The following AXDND1 variants were observed in gnomAD, a reference collection of about 807,000 sequenced individuals.
AXDND1 encodes axonemal dynein light chain domain-containing protein 1.
Under a neutral mutation model 137.5 loss-of-function variants are expected in AXDND1, and 110 were observed. The ratio of observed to expected loss-of-function variants is 0.80; its 90% CI spans 0.69 to 0.94. The LOEUF (loss-of-function observed/expected upper bound fraction) is 0.94, where lower values mean the gene tolerates loss of function less well. AXDND1 is among the 40% of genes least tolerant of loss of function. The pLI is 0.00. For missense variants in AXDND1, 1,191 were observed against 1,169.8 expected (o/e 1.02, Z -0.26); for synonymous variants, 414 against 399.7 (o/e 1.04, Z -0.43).
intron 12 of AXDND1, among the ~76,000 whole-genome samples, chr1:179,417,099 AT>A (rs1654823945): frequency 6.6e-6 from 1 of 150,556 alleles, no homozygotes; most frequent in African/African-American, 2.4e-5. Context: ...GATGTTGAGC[AT>A]TTTTTCACAT....
chr1:179,551,470 A>G, intron 25 of AXDND1: 1 of 1,612,444 alleles, frequency 6.2e-7, no homozygotes, highest in Non-Finnish European at 8.5e-7. Flanking sequence ...CATGTGACGA[A>G]AGCAAAGTGA....
chr1:179,491,448 C>A, intron 18 of AXDND1, 90 bp from the exon 19 acceptor site: 1 of 858,760 alleles, frequency 1.2e-6, no homozygotes. Flanking sequence ...TGGACACAGG[C>A]ACGATCATTT....
chr1:179,468,360 G>A, intron 16 of AXDND1, 83 bp from the exon 17 acceptor site: 2 of 952,444 alleles, frequency 2.1e-6, no homozygotes, highest in Non-Finnish European at 3.1e-6. Context: ...TAATGCCCTT[G>A]CTCAGTAGGA....
chr1:179,367,032 C>T (rs1667495844), intron 2 of AXDND1, among the ~76,000 whole-genome samples: 1 of 151,334 alleles, frequency 6.6e-6, no homozygotes, highest in Non-Finnish European at 1.5e-5. Flanking sequence ...CCAGCCTGGC[C>T]AAATATGATG....
intron 21 of AXDND1, among the ~76,000 whole-genome samples, chr1:179,512,690 C>T (rs900006366): frequency 6.6e-5 from 10 of 152,004 alleles, no homozygotes; most frequent in African/African-American, 1.2e-4. Flanking sequence ...TCTACTCATC[C>T]GTGAGCTTGG....
intron 6 of AXDND1, among the ~76,000 whole-genome samples, chr1:179,381,473 A>G (rs756117476): frequency 2.6e-5 from 4 of 151,090 alleles, no homozygotes; most frequent in African/African-American, 4.9e-5. Context: ...CCTCCCGAGT[A>G]GCTGTGACTA....
chr1:179,489,262 G>T (rs1474195325), intron 18 of AXDND1, among the ~76,000 whole-genome samples: 1 of 152,022 alleles, frequency 6.6e-6, no homozygotes, highest in Non-Finnish European at 1.5e-5. Context: ...GAAAGTAAAA[G>T]ATATTCTTTG....
chr1:179,410,822 G>A (rs1653755273), intron 11 of AXDND1, among the ~76,000 whole-genome samples: 1 of 152,080 alleles, frequency 6.6e-6, no homozygotes, highest in South Asian at 2.1e-4. Flanking sequence ...TAGATATGGT[G>A]TTATTATACC....
chr1:179,528,559 AT>A (rs1413637545), intron 23 of AXDND1, 128 bp downstream of exon 23: 3 of 452,142 alleles, frequency 6.6e-6, no homozygotes, highest in Admixed American at 8.7e-5. Context: ...TTTTACAGAT[AT>A]TTTTCTTCCA....
chr1:179,552,575 A>C (rs987828470), intron 25 of AXDND1: 1 of 1,592,008 alleles, frequency 6.3e-7, no homozygotes, highest in Middle Eastern at 1.7e-4. Context: ...CCTAAAGGGC[A>C]GTCTGGGTGG....
chr1:179,431,733 G>A (rs1384872521), intron 14 of AXDND1, among the ~76,000 whole-genome samples: 1 of 152,068 alleles, frequency 6.6e-6, no homozygotes, highest in African/African-American at 2.4e-5. Flanking sequence ...CTCCTGCCGT[G>A]TACCCATTTC....
rs199661575 is a variant in AXDND1, at chr1:179,468,572, A to G, written c.1928A>G (p.Lys643Arg). Residue 643 changes from lysine (K) to arginine (R), a missense_variant, in exon 17 of 26, where the codon AAA becomes AGA. Lys to Arg is a conservative substitution (Grantham distance 26). Coordinates refer to ENST00000367618, the MANE Select transcript of AXDND1 (RefSeq NM_144696.6). Reference protein sequence around the residue: ...QEIDEKINEMKSHLDILLNLT... With the variant: ...QEIDEKINEMRSHLDILLNLT... ...ATAGATGAAAAAATTAATGAAATGAAATCACACTTGGATATATTGTTAAAC... is the reference window on the plus strand; with the variant it reads ...ATAGATGAAAAAATTAATGAAATGAGATCACACTTGGATATATTGTTAAAC... The G allele has an allele frequency of 8.7e-6, 14 of 1,613,104 alleles. No homozygotes were observed. The African/African-American group carries it at 1.5e-4, about 17-fold the overall frequency.
chr1:179,470,479 AT>A (rs1436404908), intron 17 of AXDND1, among the ~76,000 whole-genome samples: 1 of 152,052 alleles, frequency 6.6e-6, no homozygotes, highest in Non-Finnish European at 1.5e-5. Flanking sequence ...ATCTTCTTTA[AT>A]TTCTTCTGAG....
chr1:179,449,507 G>A (rs1455515935), intron 16 of AXDND1: 1 of 154,696 alleles, frequency 6.5e-6, no homozygotes, highest in East Asian at 1.9e-4. Flanking sequence ...TGCATCTCTT[G>A]AAATTCTATA....
intron 16 of AXDND1, among the ~76,000 whole-genome samples, chr1:179,464,122 A>T (rs1333868869): frequency 2.0e-5 from 3 of 152,122 alleles, no homozygotes; most frequent in Admixed American, 6.5e-5. Context: ...TTTACATTTA[A>T]GGTTAATATT....
chr1:179,416,759 C>G (rs1654767333), intron 12 of AXDND1, among the ~76,000 whole-genome samples: 3 of 152,180 alleles, frequency 2.0e-5, no homozygotes, highest in Non-Finnish European at 4.4e-5. Flanking sequence ...AACAAGCATA[C>G]CCTTTCTTTA....
intron 9 of AXDND1, among the ~76,000 whole-genome samples, chr1:179,390,200 T>G (rs113277004): frequency 0.018 from 2,709 of 152,144 alleles, 69 homozygotes; most frequent in African/African-American, 0.06. Context: ...TTTTAGTAGA[T>G]ACAAGGTTTT....
intron 23 of AXDND1, among the ~76,000 whole-genome samples, chr1:179,531,076 TG>T (rs1306309665): frequency 2.0e-5 from 3 of 152,112 alleles, no homozygotes; most frequent in African/African-American, 7.2e-5. Flanking sequence ...TGTTGCTTAT[TG>T]GTTGGGGATG....
intron 4 of AXDND1, 27 bp from the exon 5 acceptor site, chr1:179,378,610 T>C: frequency 6.5e-7 from 1 of 1,536,612 alleles, no homozygotes; most frequent in East Asian, 2.4e-5. Context: ...AAATTTGTTT[T>C]GTAAATATAT....
Sources: gnomAD v4.1 joint callset for allele counts (sites outside exome capture counted in the v4.1 genomes callset) on GRCh38, gnomAD v4.1.1 for gene constraint, MANE v1.5 for transcripts, NCBI Gene and HGNC (gene_info 2026-07-23, HGNC 2026-07-21) for gene names.